ASCC3: variants seen among roughly 807,000 people sequenced by gnomAD.
ASCC3 encodes the protein activating signal cointegrator 1 complex subunit 3.
Under a neutral mutation model 256.3 loss-of-function variants are expected in ASCC3, and 158 were observed. That is an observed-to-expected ratio of 0.62 (90% confidence interval 0.54 to 0.70). ASCC3 has a LOEUF of 0.70. Among genes scored for constraint, ASCC3 ranks in the 30% least tolerant of loss-of-function variants. The pLI, the probability that ASCC3 is intolerant of heterozygous loss-of-function variation, is 0.00. For missense variants in ASCC3, 2,259 were observed against 2,626.0 expected, an observed-to-expected ratio of 0.86 and a Z score of 3.05; for synonymous variants, 948 against 883.4, an observed-to-expected ratio of 1.07 and a Z score of -1.30.
chr6:100,575,818 CA>C (rs566684256), intron 36 of ASCC3, among the ~76,000 whole-genome samples: 4 of 151,788 alleles, frequency 2.6e-5, no homozygotes, highest in South Asian at 2.1e-4. Flanking sequence ...AAAATCTGTT[CA>C]AAAAAAATTT....
chr6:100,859,028 T>C, intron 3 of ASCC3: 1 of 724,378 alleles, frequency 1.4e-6, no homozygotes. Context: ...ACTTAAGGTT[T>C]TTAATTACAG....
Position 100,657,568 on chromosome 6 carries a change from A to T in ASCC3, c.2704-1750T>A, listed in dbSNP as rs1449268494. Among the ~76,000 whole-genome samples the T allele has an allele frequency of 2.0e-5, 3 of 151,490 alleles. No homozygotes were observed. In the South Asian group the frequency reaches 6.2e-4, roughly 31 times the overall value. On this transcript the variant is annotated intron_variant, in intron 16 of 41. Coordinates refer to ENST00000369162, the MANE Select transcript of ASCC3 (RefSeq NM_006828.4). Reference sequence around the variant, plus strand: ...ATGTTACTTTAAAATAATGACCTACATTCCCTTATAACCTTAGAATATTAT... The same window carrying T: ...ATGTTACTTTAAAATAATGACCTACTTTCCCTTATAACCTTAGAATATTAT...
chr6:100,771,890 TTTTTTGA>T (rs1223930913), intron 8 of ASCC3, among the ~76,000 whole-genome samples: 4 of 137,570 alleles, frequency 2.9e-5, no homozygotes, highest in Non-Finnish European at 6.1e-5. Flanking sequence ...TTTTTTTTTT[TTTTTTGA>T]GATGGAGTCT....
At chr6:100,584,873 G>C in intron 36 of ASCC3, among the ~76,000 whole-genome samples, 1 of 152,102 alleles carries the variant, frequency 6.6e-6, no homozygotes, top group South Asian at 2.1e-4. Flanking sequence ...GAAATTCTGG[G>C]TTGAAAATTC....
At position 100,519,349 on chromosome 6, in the gene ASCC3, T is replaced by A. The variant is rs184664427; in HGVS notation, c.5776-1207A>T. 8.7e-4 allele frequency among the ~76,000 whole-genome samples: 132 copies of A among 152,274 alleles called. 2 individuals carry two copies. Among genetic ancestry groups the A allele is most frequent in the Admixed American group, 3.5e-3 (53 of 15,288 alleles). On this transcript the variant is annotated intron_variant, in intron 37 of 41. Coordinates refer to ENST00000369162, the MANE Select transcript of ASCC3 (RefSeq NM_006828.4). The stretch of plus-strand genomic sequence containing the variant: ...CTAGATATACATCATAAAGACAGAA[T>A]GTTGGTATAATAGGTATATTTATAT...
chr6:100,650,804 A>C, intron 19 of ASCC3, 90 bp from the exon 20 acceptor site: 1 of 1,038,832 alleles, frequency 9.6e-7, no homozygotes. Context: ...GTTTTTAAAG[A>C]GTTTCCATTT....
chr6:100,822,160 T>C (rs1344671451), intron 4 of ASCC3, among the ~76,000 whole-genome samples: 1 of 152,214 alleles, frequency 6.6e-6, no homozygotes, highest in African/African-American at 2.4e-5. Context: ...AATGGATGTC[T>C]TGTATGTTAT....
intron 13 of ASCC3, 83 bp downstream of exon 13, chr6:100,715,379 G>T: frequency 8.0e-7 from 1 of 1,247,696 alleles, no homozygotes; most frequent in South Asian, 1.3e-5. Flanking sequence ...TTCTTCTGAA[G>T]AGCGTAAATA....
At chr6:100,775,734 A>C (rs1427029164) in intron 8 of ASCC3, among the ~76,000 whole-genome samples, 1 of 152,034 alleles carries the variant, frequency 6.6e-6, no homozygotes, top group South Asian at 2.1e-4. Context: ...ACTCCCTATA[A>C]AGTTTCTTTT....
At chr6:100,649,811 A>G (rs1449390421) in intron 20 of ASCC3, among the ~76,000 whole-genome samples, 1 of 151,710 alleles carries the variant, frequency 6.6e-6, no homozygotes, top group Non-Finnish European at 1.5e-5. Context: ...TGACAGGTAA[A>G]TAATTTTTTT....
chr6:100,699,576 A>T (rs527641046), intron 13 of ASCC3, among the ~76,000 whole-genome samples: 3 of 152,298 alleles, frequency 2.0e-5, no homozygotes, highest in Admixed American at 2.0e-4. Flanking sequence ...AAAATGTGCA[A>T]TGACTTTGGA....
At chr6:100,546,917 C>T (rs1157142087) in intron 36 of ASCC3, among the ~76,000 whole-genome samples, 5 of 151,960 alleles carry the variant, frequency 3.3e-5, no homozygotes, top group East Asian at 1.9e-4. Flanking sequence ...TTCACAACTA[C>T]CACAACAGGA....
intron 2 of ASCC3, among the ~76,000 whole-genome samples, chr6:100,866,421 T>G (rs1354356874): frequency 6.6e-6 from 1 of 152,230 alleles, no homozygotes; most frequent in Non-Finnish European, 1.5e-5. Context: ...ATTTAAAGAT[T>G]ACAAGTTCAT....
chr6:100,705,768 C>T (rs900702298), intron 13 of ASCC3, among the ~76,000 whole-genome samples: 2 of 151,894 alleles, frequency 1.3e-5, no homozygotes, highest in Non-Finnish European at 2.9e-5. Flanking sequence ...ATTACTAAAA[C>T]TGCCAAGATA....
intron 3 of ASCC3, among the ~76,000 whole-genome samples, chr6:100,859,460 A>G (rs532269985): frequency 1.3e-5 from 2 of 152,180 alleles, no homozygotes; most frequent in South Asian, 4.1e-4. Flanking sequence ...ATACTGCTAT[A>G]TCCCTTTAAC....
intron 8 of ASCC3, among the ~76,000 whole-genome samples, chr6:100,796,820 A>G (rs1480459114): frequency 6.6e-6 from 1 of 152,158 alleles, no homozygotes; most frequent in Non-Finnish European, 1.5e-5. Context: ...ACCAAAAACT[A>G]TCAATAAAAT....
intron 34 of ASCC3, among the ~76,000 whole-genome samples, chr6:100,593,643 T>C (rs1432678416): frequency 6.6e-6 from 1 of 152,150 alleles, no homozygotes; most frequent in Non-Finnish European, 1.5e-5. Flanking sequence ...GGGAAATTTT[T>C]CATCAGTATT....
intron 13 of ASCC3, among the ~76,000 whole-genome samples, chr6:100,693,139 A>G (rs1777916780): frequency 6.6e-6 from 1 of 152,124 alleles, no homozygotes; most frequent in Non-Finnish European, 1.5e-5. Context: ...TCTTCTTTAT[A>G]TCACATTTGA....
intron 4 of ASCC3, among the ~76,000 whole-genome samples, chr6:100,842,251 C>G (rs1478315487): frequency 6.6e-6 from 1 of 151,934 alleles, no homozygotes; most frequent in Non-Finnish European, 1.5e-5. Flanking sequence ...TTTTAAATAC[C>G]CTATTCTAGT....
Sources: allele counts gnomAD v4.1 joint callset (sites outside exome capture counted in the v4.1 genomes callset), GRCh38; gene constraint gnomAD v4.1.1; transcripts MANE v1.5; gene names NCBI Gene and HGNC (gene_info 2026-07-23, HGNC 2026-07-21).